SMIM14: variants seen among roughly 807,000 people sequenced by gnomAD.
SMIM14 encodes the protein chromosome 4 open reading frame 34.
In SMIM14, 5 loss-of-function variants were observed where a neutral mutation model predicts 12.6. The observed-to-expected ratio is 0.40, with a 90% CI of 0.21 to 0.83. The LOEUF is 0.83. Ranked by LOEUF, SMIM14 falls within the 40% of genes least tolerant of loss-of-function variation. The pLI, the probability that SMIM14 is intolerant of heterozygous loss-of-function variation, is 0.37. For missense variants in SMIM14, 86 were observed against 119.1 expected (o/e 0.72, Z 1.29); for synonymous variants, 30 against 40.1 (o/e 0.75, Z 0.95).
chr4:39,565,171 T>C (rs756278687), intron 3 of SMIM14, among the ~76,000 whole-genome samples: 16 of 152,164 alleles, frequency 1.1e-4, no homozygotes, highest in African/African-American at 2.9e-4. Context: ...CAAGCCATGA[T>C]TGCACCACTT....
chr4:39,590,787 G>A lies in SMIM14; in HGVS notation c.75+14284C>T, dbSNP rs1329486155. Among the ~76,000 whole-genome samples, 7 of 144,724 alleles carry A rather than the reference G, an allele frequency of 4.8e-5. No individual in the cohort carries two copies. The Admixed American group carries it at 5.1e-4, about 11-fold the overall frequency. The allele number at this position is 144,724 out of a possible 152,430, so 94.9% of individuals were successfully genotyped here. A position where few individuals can be genotyped will look rare whatever the true frequency, so the allele number is the denominator to read the frequency against. On this transcript the variant is annotated intron_variant, in intron 2 of 4. Coordinates refer to ENST00000295958, the MANE Select transcript of SMIM14 (RefSeq NM_174921.3). ...ATTGCACTCCCGCTTGGGAGACAGG[G>A]CAACACTCTGTCTCAAAAAAAAAAA...
chr4:39,566,164 T>C (rs1712564122), intron 3 of SMIM14, among the ~76,000 whole-genome samples: 1 of 147,992 alleles, frequency 6.8e-6, no homozygotes, highest in Non-Finnish European at 1.5e-5. Flanking sequence ...AGTGGGATAG[T>C]GAGAAGTGGT....
chr4:39,603,286 C>T (rs1474980477), intron 2 of SMIM14, among the ~76,000 whole-genome samples: 9 of 152,136 alleles, frequency 5.9e-5, no homozygotes, highest in Non-Finnish European at 1.2e-4. Context: ...TAGCTGGGCG[C>T]GGTGGCTCAT....
intron 2 of SMIM14, among the ~76,000 whole-genome samples, chr4:39,600,896 A>G (rs1714585587): frequency 6.6e-6 from 1 of 152,090 alleles, no homozygotes. Context: ...ATAAACAAAC[A>G]AAGCAGGAAA....
chr4:39,593,343 A>C (rs1258774374), intron 2 of SMIM14: 3 of 152,248 alleles, frequency 2.0e-5, no homozygotes, highest in Non-Finnish European at 2.9e-5. Flanking sequence ...GCCTTTGACA[A>C]AATTCGACAA....
In SMIM14 at chr4:39,551,065, A is replaced by G. The variant is rs1711676555; in HGVS notation, c.*1061T>C. Reference sequence around the variant, plus strand: ...GCTGGGATTACAGGCACATGCACCAACCCTGGCTAATTTTTCTGTATTTTT... The same window carrying G: ...GCTGGGATTACAGGCACATGCACCAGCCCTGGCTAATTTTTCTGTATTTTT... On this transcript the variant is annotated 3_prime_UTR_variant, in exon 5 of 5. Coordinates refer to ENST00000295958, the MANE Select transcript of SMIM14 (RefSeq NM_174921.3). 1 of 151,894 alleles carries G rather than the reference A, an allele frequency of 6.6e-6. No individual in the cohort carries two copies. The highest frequency in any genetic ancestry group is 6.6e-5 in the Admixed American group (1 of 15,226). 9.4% of individuals were successfully genotyped at this position (151,894 alleles called of 1,614,324 possible). A position where few individuals can be genotyped will look rare whatever the true frequency, so the allele number is the denominator to read the frequency against.
intron 1 of SMIM14, among the ~76,000 whole-genome samples, chr4:39,636,173 CAAAAAA>C (rs749292775): frequency 1.6e-4 from 12 of 76,340 alleles, no homozygotes; most frequent in African/African-American, 6.0e-4. Flanking sequence ...CTCCATCTCC[CAAAAAA>C]AAAAAAAAAA....
intron 1 of SMIM14, among the ~76,000 whole-genome samples, chr4:39,614,478 G>A (rs1267119209): frequency 2.6e-5 from 4 of 151,716 alleles, no homozygotes; most frequent in African/African-American, 7.3e-5. Flanking sequence ...GTGCCACCAC[G>A]CCCGGCTAAT....
chr4:39,605,142 CCATGATTACCCAG>C lies in SMIM14; in HGVS notation c.-10_3del. The stretch of plus-strand genomic sequence containing the variant: ...TCACAGGGATCAAATCCACCTTCTG[CCATGATTACCCAG>C]CTTGATTTTACTTGACTGTTTAAAT... On this transcript the variant is annotated start_lost and 5_prime_UTR_variant, in exon 2 of 5. Coordinates refer to ENST00000295958, the MANE Select transcript of SMIM14 (RefSeq NM_174921.3). 6.2e-7 allele frequency: 1 copy of C among 1,601,874 alleles called. No homozygotes were observed. The highest frequency in any genetic ancestry group is 1.3e-5 in the African/African-American group (1 of 74,592).
intron 1 of SMIM14, among the ~76,000 whole-genome samples, chr4:39,615,113 T>C (rs1331084442): frequency 6.6e-6 from 1 of 152,118 alleles, no homozygotes; most frequent in Non-Finnish European, 1.5e-5. Flanking sequence ...TTTTAATTTA[T>C]TTATAGAGAC....
At chr4:39,582,742 C>A (rs571051169) in intron 2 of SMIM14, among the ~76,000 whole-genome samples, 136 of 151,610 alleles carry the variant, frequency 9.0e-4, no homozygotes, top group Non-Finnish European at 1.6e-3. Flanking sequence ...TAGCTAAATT[C>A]TACTTCAGTA....
intron 2 of SMIM14, chr4:39,594,349 T>C (rs1714261526): frequency 6.6e-6 from 1 of 152,190 alleles, no homozygotes; most frequent in Non-Finnish European, 1.5e-5. Flanking sequence ...TGGCTAGCCA[T>C]ATGTAGAAAG....
chr4:39,578,815 G>A (rs1185269843), intron 2 of SMIM14, among the ~76,000 whole-genome samples: 1 of 151,842 alleles, frequency 6.6e-6, no homozygotes, highest in Non-Finnish European at 1.5e-5. Context: ...GGCCAAAATG[G>A]TGTAACCCTG....
intron 1 of SMIM14, among the ~76,000 whole-genome samples, chr4:39,613,381 C>A (rs182409572): frequency 6.6e-6 from 1 of 152,216 alleles, no homozygotes; most frequent in Non-Finnish European, 1.5e-5. Flanking sequence ...TTCTGTGGAA[C>A]TTTCTTCCTG....
chr4:39,564,795 A>G (rs181438565), intron 3 of SMIM14, among the ~76,000 whole-genome samples: 1 of 152,346 alleles, frequency 6.6e-6, no homozygotes, highest in Admixed American at 6.5e-5. Flanking sequence ...ATCCGAAAGA[A>G]GCACATTTCA....
intron 2 of SMIM14, among the ~76,000 whole-genome samples, chr4:39,574,277 G>A (rs568566097): frequency 5.4e-5 from 8 of 146,796 alleles, no homozygotes; most frequent in Admixed American, 2.2e-4. Context: ...TCTTAGAGAC[G>A]GAGTCTCGCT....
chr4:39,576,678 ATATATATTTTTTTTTTTTTT>A lies in SMIM14; in HGVS notation c.76-4235_76-4216del, dbSNP rs1713202516. 1.0e-4 allele frequency among the ~76,000 whole-genome samples: 3 copies of A among 29,924 alleles called. 1 individual carries two copies. Among genetic ancestry groups the A allele is most frequent in the African/African-American group, 3.8e-4 (3 of 7,932 alleles). 19.6% of individuals were successfully genotyped at this position (29,924 alleles called of 152,430 possible). Reference sequence around the variant, plus strand: ...TGTATGTGTATATATATATATATATATATATATTTTTTTTTTTTTTTTTTTTTTTTTTTTTTTTTTTTTTT... The same window carrying A: ...TGTATGTGTATATATATATATATATATTTTTTTTTTTTTTTTTTTTTTTTT... On this transcript the variant is annotated intron_variant, in intron 2 of 4. Transcript: ENST00000295958.
At chr4:39,619,750 TTTATTATA>T (rs1715390765) in intron 1 of SMIM14, among the ~76,000 whole-genome samples, 3 of 40,836 alleles carry the variant, frequency 7.3e-5, no homozygotes, top group East Asian at 8.0e-4. Context: ...ATAAATATAA[TTTATTATA>T]TATATATCAA....
rs1247659912 is a variant in SMIM14 at position 39,551,936 on chromosome 4, G to A, written c.*190C>T. The stretch of plus-strand genomic sequence containing the variant: ...CATTCACTCAAATATACTGTAAATA[G>A]GAATGGCAGTAACACAGGAAGCAAA... On this transcript the variant is annotated 3_prime_UTR_variant, in exon 5 of 5. Coordinates refer to ENST00000295958, the MANE Select transcript of SMIM14 (RefSeq NM_174921.3). 4.7e-6 allele frequency: 2 copies of A among 425,708 alleles called. No homozygotes were observed. Among genetic ancestry groups the A allele is most frequent in the African/African-American group, 2.1e-5 (1 of 48,440 alleles). The allele number at this position is 425,708 out of a possible 1,614,324, so 26.4% of individuals were successfully genotyped here.
Sources: allele counts gnomAD v4.1 joint callset (sites outside exome capture counted in the v4.1 genomes callset), GRCh38; gene constraint gnomAD v4.1.1; transcripts MANE v1.5; gene names NCBI Gene and HGNC (gene_info 2026-07-23, HGNC 2026-07-21).